The following ZNF624 variants were observed in gnomAD, a reference collection of about 807,000 sequenced individuals.
ZNF624 encodes the protein zinc finger protein 624.
A neutral mutation model predicts 74.7 loss-of-function variants in ZNF624; 43 were observed. The ratio of observed to expected loss-of-function variants is 0.58; its 90% CI spans 0.45 to 0.74. ZNF624 has a LOEUF of 0.74. Ranked by LOEUF, ZNF624 falls within the 30% of genes least tolerant of loss-of-function variation. ZNF624 has a pLI of 0.00. For synonymous variants in ZNF624, 331 were observed against 341.3 expected, an observed-to-expected ratio of 0.97 and a Z score of 0.33; for missense variants, 820 against 1,030.0, an observed-to-expected ratio of 0.80 and a Z score of 2.79.
chr17:16,647,098 G>A (rs1302526532), intron 3 of ZNF624, among the ~76,000 whole-genome samples: 2 of 152,092 alleles, frequency 1.3e-5, no homozygotes, highest in Non-Finnish European at 2.9e-5. Flanking sequence ...TTCAGACTAC[G>A]TAATGATAGG....
At chr17:16,615,145 T>A in the ZNF624 span, among the ~76,000 whole-genome samples, 1 of 152,188 alleles carries the variant, frequency 6.6e-6, no homozygotes, top group South Asian at 2.1e-4. Flanking sequence ...TCGCCCAGGC[T>A]GGAGTGCAGT....
chr17:16,626,555 C>A (rs1909077419), intron 5 of ZNF624, among the ~76,000 whole-genome samples: 1 of 151,698 alleles, frequency 6.6e-6, no homozygotes. Context: ...GAGTTTAAGA[C>A]CAGCTTGGGC....
chr17:16,626,920 TG>T (rs1276139525), intron 5 of ZNF624, among the ~76,000 whole-genome samples: 1 of 152,070 alleles, frequency 6.6e-6, no homozygotes, highest in Admixed American at 6.6e-5. Flanking sequence ...CTGGGTGTGG[TG>T]GCACACGCTT....
At chr17:16,615,052 T>G in the ZNF624 span, among the ~76,000 whole-genome samples, 1 of 151,722 alleles carries the variant, frequency 6.6e-6, no homozygotes, top group East Asian at 1.9e-4. Context: ...GTTTAGGGGG[T>G]GAAGTGGGGA....
At chr17:16,626,067 A>G (rs1173314957) in intron 5 of ZNF624, among the ~76,000 whole-genome samples, 2 of 152,020 alleles carry the variant, frequency 1.3e-5, no homozygotes, top group East Asian at 3.9e-4. Context: ...CTTGTGCTTC[A>G]GCTTCCGAAG....
At chr17:16,615,264 A>AT in the ZNF624 span, among the ~76,000 whole-genome samples, 4 of 151,950 alleles carry the variant, frequency 2.6e-5, no homozygotes, top group African/African-American at 7.3e-5. Context: ...CGCCCGGCTA[A>AT]TTTTTTGTAT....
intron 2 of ZNF624, among the ~76,000 whole-genome samples, chr17:16,647,595 C>T (rs995108477): frequency 2.0e-5 from 3 of 152,014 alleles, no homozygotes; most frequent in Non-Finnish European, 2.9e-5. Context: ...GACAAACACA[C>T]GTAAGATTGA....
intron 5 of ZNF624, 139 bp from the exon 6 acceptor site, chr17:16,624,648 G>A: frequency 1.3e-6 from 1 of 797,054 alleles, no homozygotes; most frequent in Non-Finnish European, 1.9e-6. Flanking sequence ...GTTTTTTAGT[G>A]AGAAGAAGGT....
At chr17:16,614,550 G>C in the ZNF624 span, among the ~76,000 whole-genome samples, 1 of 151,972 alleles carries the variant, frequency 6.6e-6, no homozygotes, top group Admixed American at 6.6e-5. Context: ...ATTTTCCCAG[G>C]TGCTACTCTG....
At chr17:16,624,609 T>C (rs1475590799) in intron 5 of ZNF624, 100 bp from the exon 6 acceptor site, 1 of 1,100,012 alleles carries the variant, frequency 9.1e-7, no homozygotes, top group Non-Finnish European at 1.3e-6. Context: ...ATAATGAATA[T>C]ATGGTTTTAA....
intron 3 of ZNF624, among the ~76,000 whole-genome samples, chr17:16,638,488 T>A (rs1909388499): frequency 6.6e-6 from 1 of 152,040 alleles, no homozygotes; most frequent in Admixed American, 6.6e-5. Flanking sequence ...ATAGACTGGA[T>A]TAAGAAAATG....
intron 1 of ZNF624, among the ~76,000 whole-genome samples, chr17:16,650,583 T>C (rs9899919): frequency 0.13 from 19,273 of 152,114 alleles, 1,405 homozygotes; most frequent in East Asian, 0.35. Flanking sequence ...CCTGCTTTTC[T>C]ACCTTTGGCT....
intron 5 of ZNF624, among the ~76,000 whole-genome samples, chr17:16,630,718 T>C (rs1909186723): frequency 6.6e-6 from 1 of 152,104 alleles, no homozygotes; most frequent in African/African-American, 2.4e-5. Flanking sequence ...AAACAGATTT[T>C]AAGGCAAAAA....
chr17:16,647,811 G>T (rs1258340882), intron 2 of ZNF624, among the ~76,000 whole-genome samples: 1 of 152,118 alleles, frequency 6.6e-6, no homozygotes, highest in Non-Finnish European at 1.5e-5. Context: ...AGTGTTTGGT[G>T]GGGGGATGTG....
chr17:16,626,712 A>G (rs1415217391), intron 5 of ZNF624, among the ~76,000 whole-genome samples: 1 of 152,204 alleles, frequency 6.6e-6, no homozygotes, highest in Non-Finnish European at 1.5e-5. Context: ...TGATTGCATC[A>G]CTGCACTACA....
At chr17:16,635,692 T>C (rs950234204) in intron 3 of ZNF624, among the ~76,000 whole-genome samples, 13 of 152,142 alleles carry the variant, frequency 8.5e-5, no homozygotes, top group African/African-American at 2.7e-4. Flanking sequence ...ACAGACATGT[T>C]ATTGTTTAAC....
Position 16,622,582 on chromosome 17 carries a change from TGTAAG to T in ZNF624, c.2299_2303del (p.Leu767SerfsTer15). The T allele has an allele frequency of 3.1e-6, 5 of 1,613,642 alleles. No homozygotes were observed. The highest frequency in any genetic ancestry group is 4.2e-6 in the Non-Finnish European group (5 of 1,179,830). On this transcript the variant is annotated frameshift_variant, in exon 6 of 6. Coordinates refer to ENST00000311331, the MANE Select transcript of ZNF624 (RefSeq NM_020787.4). LOFTEE classifies it high-confidence loss of function. Reference sequence around the variant, plus strand: ...CTCCAGTGTGTGTTCTCCAATGCACTGTAAGGTAAGAACCCCTCCTGAAGGCTTTT... The same window carrying T: ...CTCCAGTGTGTGTTCTCCAATGCACTGTAAGAACCCCTCCTGAAGGCTTTT...
downstream of ZNF624, among the ~76,000 whole-genome samples, chr17:16,618,994 A>C (rs929005047): frequency 1.3e-5 from 2 of 152,218 alleles, no homozygotes; most frequent in African/African-American, 4.8e-5. Flanking sequence ...TCAAAGGTCA[A>C]CTGTACTATC....
rs1166052754 is a variant in ZNF624, at chr17:16,621,117, ATTATT to A, written c.*1166_*1170del. On this transcript the variant is annotated 3_prime_UTR_variant, in exon 6 of 6. Transcript: ENST00000311331. Reference sequence around the variant, plus strand: ...CATAAACACAAAATAAATGGGTGTGATTATTTTAACAAAAATGATATATTGTATAT... The same window carrying A: ...CATAAACACAAAATAAATGGGTGTGATTAACAAAAATGATATATTGTATAT... 3 of 151,278 alleles carry A rather than the reference ATTATT, an allele frequency of 2.0e-5. No homozygotes were observed. The highest frequency in any genetic ancestry group is 4.4e-5 in the Non-Finnish European group (3 of 68,018). The allele number at this position is 151,278 out of a possible 1,614,324, so 9.4% of individuals were successfully genotyped here. A position where few individuals can be genotyped will look rare whatever the true frequency, so the allele number is the denominator to read the frequency against.
Sources: gnomAD v4.1 joint callset for allele counts (sites outside exome capture counted in the v4.1 genomes callset) on GRCh38, gnomAD v4.1.1 for gene constraint, MANE v1.5 for transcripts, NCBI Gene and HGNC (gene_info 2026-07-23, HGNC 2026-07-21) for gene names.